The following LARGE1 variants were observed in gnomAD, a reference collection of about 807,000 sequenced individuals.
LARGE1 encodes the protein LARGE xylosyl- and glucuronyltransferase 1, also known as xylosyl- and glucuronyltransferase LARGE1.
Under a neutral mutation model 87.6 loss-of-function variants are expected in LARGE1, and 43 were observed. The observed-to-expected ratio is 0.49, with a 90% CI of 0.38 to 0.63. The LOEUF (loss-of-function observed/expected upper bound fraction) is 0.63, where lower values mean the gene tolerates loss of function less well. Among genes scored for constraint, LARGE1 ranks in the 30% least tolerant of loss-of-function variants. The pLI, the probability that LARGE1 is intolerant of heterozygous loss-of-function variation, is 0.00. For synonymous variants in LARGE1, 434 were observed against 394.6 expected (o/e 1.10, Z -1.18); for missense variants, 802 against 1,000.2 (o/e 0.80, Z 2.67).
At chr22:33,717,607 G>A (rs62225401) in intron 2 of LARGE1, among the ~76,000 whole-genome samples, 2,389 of 152,276 alleles carry the variant, frequency 0.016, 34 homozygotes, top group Non-Finnish European at 0.023. Flanking sequence ...GGAATCGAGG[G>A]CTTGAAGCCA....
intron 2 of LARGE1, among the ~76,000 whole-genome samples, chr22:33,669,224 G>A (rs2081344004): frequency 6.6e-6 from 1 of 152,168 alleles, no homozygotes; most frequent in Admixed American, 6.5e-5. Flanking sequence ...TTTCAGGGCT[G>A]TTTTGAAAAT....
At chr22:33,225,963 G>A (rs868409600) in intron 11 of LARGE1, among the ~76,000 whole-genome samples, 6 of 152,220 alleles carry the variant, frequency 3.9e-5, no homozygotes, top group Middle Eastern at 6.8e-3. Context: ...GTCTACCATT[G>A]ATGGGCATCT....
At chr22:33,611,835 G>C (rs1224040345) in intron 4 of LARGE1, among the ~76,000 whole-genome samples, 2 of 152,208 alleles carry the variant, frequency 1.3e-5, no homozygotes, top group East Asian at 3.9e-4. Flanking sequence ...TATGGGGGTG[G>C]ATCCCTAATG....
intron 1 of LARGE1, among the ~76,000 whole-genome samples, chr22:33,774,280 C>G (rs111430705): frequency 6.6e-6 from 1 of 152,050 alleles, no homozygotes; most frequent in Non-Finnish European, 1.5e-5. Context: ...GCCACTCTTA[C>G]AAAACTTACC....
intron 6 of LARGE1, among the ~76,000 whole-genome samples, chr22:33,524,356 A>C (rs937185631): frequency 2.6e-5 from 4 of 151,878 alleles, no homozygotes; most frequent in African/African-American, 9.7e-5. Context: ...CCACATCTCT[A>C]ACTCCTGGCA....
chr22:33,093,218 C>T, the LARGE1 span, among the ~76,000 whole-genome samples: 1 of 152,130 alleles, frequency 6.6e-6, no homozygotes, highest in African/African-American at 2.4e-5. Context: ...ACTTTCATTG[C>T]TCATCTAAAG....
the LARGE1 span, among the ~76,000 whole-genome samples, chr22:33,143,320 TA>T: frequency 1.3e-5 from 2 of 152,066 alleles, no homozygotes; most frequent in Non-Finnish European, 2.9e-5. Flanking sequence ...CTATTCTGGT[TA>T]AAAAAATAAC....
chr22:33,286,954 G>A (rs1004639249), intron 12 of LARGE1, among the ~76,000 whole-genome samples: 3 of 152,172 alleles, frequency 2.0e-5, no homozygotes, highest in African/African-American at 7.2e-5. Flanking sequence ...GCAAGGGCAG[G>A]TTGTTTAGGA....
At chr22:33,294,444 G>A (rs1932963832) in intron 12 of LARGE1, among the ~76,000 whole-genome samples, 2 of 152,196 alleles carry the variant, frequency 1.3e-5, no homozygotes, top group Non-Finnish European at 2.9e-5. Context: ...TCCTATGAAA[G>A]TTATATTAAA....
intron 6 of LARGE1, among the ~76,000 whole-genome samples, chr22:33,452,459 G>T (rs1223394993): frequency 6.6e-6 from 1 of 152,142 alleles, no homozygotes; most frequent in Non-Finnish European, 1.5e-5. Context: ...TCCAGGAAGG[G>T]GCCCATGGCA....
chr22:33,823,036 G>A (rs1439005707), intron 1 of LARGE1, among the ~76,000 whole-genome samples: 1 of 152,180 alleles, frequency 6.6e-6, no homozygotes, highest in East Asian at 1.9e-4. Flanking sequence ...TACCACAGAT[G>A]AATGTGTTGC....
chr22:33,821,465 T>C (rs1829095906), intron 1 of LARGE1, among the ~76,000 whole-genome samples: 1 of 152,162 alleles, frequency 6.6e-6, no homozygotes, highest in South Asian at 2.1e-4. Flanking sequence ...TTCCCCACCA[T>C]GCCTTACAGA....
the LARGE1 span, among the ~76,000 whole-genome samples, chr22:33,103,582 C>A: frequency 6.6e-6 from 1 of 151,674 alleles, no homozygotes; most frequent in Non-Finnish European, 1.5e-5. Context: ...GAAGAGGTAA[C>A]AACCATGTTG....
the LARGE1 span, among the ~76,000 whole-genome samples, chr22:33,151,765 T>A: frequency 1.3e-5 from 2 of 152,230 alleles, no homozygotes; most frequent in African/African-American, 4.8e-5. Context: ...AGCCTTGCAT[T>A]CTTGCAATAA....
chr22:33,350,208 T>C (rs980838680), intron 9 of LARGE1, among the ~76,000 whole-genome samples: 1 of 152,190 alleles, frequency 6.6e-6, no homozygotes, highest in African/African-American at 2.4e-5. Context: ...CTTTATGCTA[T>C]AAAATGGGGG....
At chr22:33,334,524 T>C (rs778289899) in intron 10 of LARGE1, among the ~76,000 whole-genome samples, 4 of 151,940 alleles carry the variant, frequency 2.6e-5, no homozygotes, top group African/African-American at 2.4e-5. Flanking sequence ...GTTTCTGTGA[T>C]GTCACAGCTG....
intron 1 of LARGE1, among the ~76,000 whole-genome samples, chr22:33,895,109 A>G (rs919643120): frequency 4.6e-5 from 7 of 152,164 alleles, no homozygotes; most frequent in Admixed American, 4.6e-4. Context: ...ACCTCTACAG[A>G]GGTGGGCAGA....
intron 7 of LARGE1, among the ~76,000 whole-genome samples, chr22:33,406,643 T>G (rs1482317836): frequency 6.6e-6 from 1 of 152,190 alleles, no homozygotes; most frequent in Non-Finnish European, 1.5e-5. Flanking sequence ...TTTTCAGGTG[T>G]GAACACTGGC....
At chr22:33,706,293 C>A (rs1389602808) in intron 2 of LARGE1, among the ~76,000 whole-genome samples, 3 of 152,198 alleles carry the variant, frequency 2.0e-5, no homozygotes, top group African/African-American at 4.8e-5. Context: ...CACCCCCACA[C>A]AAGCCTCCAG....
Sources: gnomAD v4.1 joint callset for allele counts (sites outside exome capture counted in the v4.1 genomes callset) on GRCh38, gnomAD v4.1.1 for gene constraint, MANE v1.5 for transcripts, NCBI Gene and HGNC (gene_info 2026-07-23, HGNC 2026-07-21) for gene names.